The following ZZEF1 variants were observed in gnomAD, a reference collection of about 807,000 sequenced individuals.
ZZEF1 encodes the protein zinc finger ZZ-type and EF-hand domain-containing protein 1.
ZZEF1 carries 157 observed loss-of-function variants against 342.8 expected under a neutral mutation model. That is an observed-to-expected ratio of 0.46 (90% confidence interval 0.40 to 0.52). The LOEUF is 0.52. Ranked by LOEUF, ZZEF1 falls within the 20% of genes least tolerant of loss-of-function variation. The probability of loss-of-function intolerance (pLI) is 0.00; values close to 1 mark genes in which losing one functional copy is unlikely to be tolerated. For synonymous variants in ZZEF1, 1,505 were observed against 1,429.1 expected, an observed-to-expected ratio of 1.05 and a Z score of -1.20; for missense variants, 3,480 against 3,725.6, an observed-to-expected ratio of 0.93 and a Z score of 1.72.
At chr17:4,030,541 C>T (rs542164827) in intron 42 of ZZEF1, among the ~76,000 whole-genome samples, 30 of 152,328 alleles carry the variant, frequency 2.0e-4, no homozygotes, top group African/African-American at 7.2e-4. Context: ...AGGCCATATA[C>T]TTTTCTGAGA....
chr17:4,112,987 C>T (rs2058338672), intron 4 of ZZEF1, among the ~76,000 whole-genome samples, 179 bp from the exon 5 acceptor site: 1 of 152,212 alleles, frequency 6.6e-6, no homozygotes, highest in Non-Finnish European at 1.5e-5. Context: ...GACCTTCCCA[C>T]ATTTTTTAAA....
At chr17:4,018,068 T>C in intron 46 of ZZEF1, 97 bp from the exon 47 acceptor site, 1 of 1,485,340 alleles carries the variant, frequency 6.7e-7, no homozygotes, top group South Asian at 1.2e-5. Flanking sequence ...AGAGTTGTTC[T>C]TCTGTTAGTA....
At position 4,059,774 on chromosome 17, in the gene ZZEF1, T is replaced by C. The variant is rs115283214; in HGVS notation, c.4884-484A>G. On this transcript the variant is annotated intron_variant, in intron 30 of 54. Transcript: ENST00000381638. ...TTCCCTCAATTCTCTGCCATCTGCA[T>C]CTCCAGTGATCTTCTCTTCCACGCC... is the stretch of plus-strand genomic sequence containing the variant. 8.1e-3 allele frequency among the ~76,000 whole-genome samples: 1,231 copies of C among 152,296 alleles called. 16 individuals carry two copies. Among genetic ancestry groups the C allele is most frequent in the African/African-American group, 0.028 (1,150 of 41,564 alleles).
intron 39 of ZZEF1, among the ~76,000 whole-genome samples, chr17:4,037,317 A>C (rs1241831119): frequency 6.6e-6 from 1 of 152,230 alleles, no homozygotes; most frequent in Non-Finnish European, 1.5e-5. Context: ...CAGTAATGAA[A>C]TACGTCAAAA....
At chr17:4,112,531 A>C in intron 5 of ZZEF1, 78 bp downstream of exon 5, 1 of 1,419,898 alleles carries the variant, frequency 7.0e-7, no homozygotes, top group Non-Finnish European at 9.8e-7. Flanking sequence ...AATCTCAAAA[A>C]CTAACAGCCT....
intron 28 of ZZEF1, 95 bp from the exon 29 acceptor site, chr17:4,064,924 T>C (rs1377179007): frequency 3.3e-6 from 3 of 897,958 alleles, no homozygotes; most frequent in African/African-American, 3.4e-5. Flanking sequence ...ATATACCTAA[T>C]GTAAATGATG....
At position 4,070,694 on chromosome 17, in the gene ZZEF1, C is replaced by G; in HGVS notation, c.4065G>C (p.Leu1355=). ...VYRTPDLYEK[L]QKYVNSGGKI... ...CTGTAATAAAGTTACCATATTTTTGCAGCTTCTCATATAAATCTGGAGTGC... is the reference window on the plus strand; with the variant it reads ...CTGTAATAAAGTTACCATATTTTTGGAGCTTCTCATATAAATCTGGAGTGC... The change falls in exon 26 of 55, where the codon CTG becomes CTC. Residue 1355 remains leucine, a synonymous_variant. Transcript: ENST00000381638. The G allele has an allele frequency of 6.2e-7, 1 of 1,612,206 alleles. No individual in the cohort carries two copies. Among genetic ancestry groups the G allele is most frequent in the African/African-American group, 1.3e-5 (1 of 74,878 alleles).
Position 4,049,803 on chromosome 17 carries a change from C to A in ZZEF1, c.5920G>T (p.Asp1974Tyr), listed in dbSNP as rs199798137. 24 of 1,614,194 alleles carry A rather than the reference C, an allele frequency of 1.5e-5. No homozygotes were observed. Among genetic ancestry groups the A allele is most frequent in the South Asian group, 2.2e-5 (2 of 91,080 alleles). ...VLPDGDSSLEDQALPVTVPTG... is the reference protein window; with the variant it reads ...VLPDGDSSLEYQALPVTVPTG... ...GGCACAGTGACTGGTAGGGCCTGAT[C>A]TTCTAGGCTCGAGTCCCCATCTGGC... The change falls in exon 37 of 55, where the codon GAT (aspartate) becomes TAT (tyrosine). Residue 1974 changes from aspartate to tyrosine, a missense_variant. By Grantham distance (160) the Asp-to-Tyr change is radical (BLOSUM62 -3). Transcript: ENST00000381638.
Position 4,082,466 on chromosome 17 carries a change from G to T in ZZEF1, c.2685C>A (p.Leu895=). ...TEQEHKQSLQ[L]TFRSLCTYFS... The stretch of plus-strand genomic sequence containing the variant: ...AATACGTGCACAGTGAACGGAAAGT[G>T]AGCTGCAGGGACTGCTTGTGCTCCT... Residue 895 remains leucine, a synonymous_variant, in exon 17 of 55, where the codon CTC becomes CTA. Transcript: ENST00000381638. 1 of 1,614,152 alleles carries T rather than the reference G, an allele frequency of 6.2e-7. No homozygotes were observed. The highest frequency in any genetic ancestry group is 8.5e-7 in the Non-Finnish European group (1 of 1,180,004).
intron 46 of ZZEF1, among the ~76,000 whole-genome samples, chr17:4,018,269 A>T (rs1472328981): frequency 6.6e-6 from 1 of 152,114 alleles, no homozygotes; most frequent in Non-Finnish European, 1.5e-5. Context: ...ACATTTTTAA[A>T]AAAAATTTAT....
intron 28 of ZZEF1, among the ~76,000 whole-genome samples, chr17:4,066,119 T>C (rs1334944187): frequency 2.0e-5 from 3 of 152,054 alleles, no homozygotes; most frequent in Non-Finnish European, 4.4e-5. Flanking sequence ...GTGAGCTATA[T>C]GACTGAACCA....
At chr17:4,043,045 G>A (rs867068507) in intron 38 of ZZEF1, among the ~76,000 whole-genome samples, 2 of 152,154 alleles carry the variant, frequency 1.3e-5, no homozygotes, top group Non-Finnish European at 2.9e-5. Context: ...CCTTCTCCAG[G>A]AGGCCTGCCT....
At chr17:4,105,428 C>T (rs1157594807) in intron 7 of ZZEF1, among the ~76,000 whole-genome samples, 2 of 152,176 alleles carry the variant, frequency 1.3e-5, no homozygotes, top group African/African-American at 4.8e-5. Context: ...GACTTTGAGA[C>T]ATCTGTTCTA....
rs564720448 is a variant in ZZEF1 at position 4,032,917 on chromosome 17, T to G, written c.6670A>C (p.Thr2224Pro). The G allele has an allele frequency of 1.9e-6, 3 of 1,613,834 alleles. No individual in the cohort carries two copies. Among genetic ancestry groups the G allele is most frequent in the Admixed American group, 3.3e-5 (2 of 59,968 alleles). ...TGCTTGATGCAGTGGTCTGTGAAGG[T>G]GGCAATGACATCACGCCACAGTGGG... ...SAPLWRDVIA[T>P]FTDHCIKQLP... Residue 2224 changes from threonine (T) to proline (P), a missense_variant, in exon 41 of 55, where the codon ACC becomes CCC. By Grantham distance (38) the Thr-to-Pro change is conservative. Transcript: ENST00000381638.
chr17:4,082,678 A>G (rs1199776813), intron 16 of ZZEF1, among the ~76,000 whole-genome samples, 174 bp from the exon 17 acceptor site: 1 of 152,196 alleles, frequency 6.6e-6, no homozygotes, highest in Non-Finnish European at 1.5e-5. Context: ...GATGGAGCAG[A>G]ACCAACCATC....
At chr17:4,020,277 G>T (rs2056235048) in intron 45 of ZZEF1, among the ~76,000 whole-genome samples, 1 of 152,182 alleles carries the variant, frequency 6.6e-6, no homozygotes, top group South Asian at 2.1e-4. Context: ...CAGCAATGTT[G>T]ATCAAAGTAG....
intron 46 of ZZEF1, 141 bp downstream of exon 46, chr17:4,019,528 G>T: frequency 1.5e-6 from 1 of 675,188 alleles, no homozygotes; most frequent in Non-Finnish European, 2.5e-6. Context: ...CTCCCACCTC[G>T]CCTTACAAAG....
intron 46 of ZZEF1, 97 bp downstream of exon 46, chr17:4,019,572 C>A: frequency 9.0e-7 from 1 of 1,108,316 alleles, no homozygotes; most frequent in Admixed American, 2.2e-5. Context: ...GTCGGAGCGT[C>A]GATCGATCCA....
intron 37 of ZZEF1, among the ~76,000 whole-genome samples, chr17:4,048,751 T>C (rs2056979626): frequency 6.6e-6 from 1 of 152,154 alleles, no homozygotes. Context: ...AGTCTTGCTG[T>C]CGCCCAGTTT....
Sources: allele counts gnomAD v4.1 joint callset (sites outside exome capture counted in the v4.1 genomes callset), GRCh38; gene constraint gnomAD v4.1.1; transcripts MANE v1.5; gene names NCBI Gene and HGNC (gene_info 2026-07-23, HGNC 2026-07-21).